The following UNKL variants were observed in gnomAD, a reference collection of about 807,000 sequenced individuals.
The protein encoded by UNKL is putative E3 ubiquitin-protein ligase UNKL.
UNKL carries 60 observed loss-of-function variants against 78.0 expected under a neutral mutation model. That is an observed-to-expected ratio of 0.77 (90% CI 0.63 to 0.95). The LOEUF is 0.95. Ranked by LOEUF, UNKL falls within the 40% of genes least tolerant of loss-of-function variation. The pLI is 0.00. For missense variants in UNKL, 1,159 were observed against 1,045.7 expected, an observed-to-expected ratio of 1.11 and a Z score of -1.49; for synonymous variants, 608 against 474.8, an observed-to-expected ratio of 1.28 and a Z score of -3.65.
intron 9 of UNKL, 134 bp from the exon 10 acceptor site, chr16:1,385,519 C>T: frequency 1.1e-6 from 1 of 950,948 alleles, no homozygotes; most frequent in Non-Finnish European, 1.4e-6. Flanking sequence ...GAGAGCTTCC[C>T]AGACCCGGAG....
rs770194638 is a variant in UNKL at position 1,403,258 on chromosome 16, GT to G, written c.373del (p.Thr125GlnfsTer8). ...YYKTGTCIHE[T>X]DARGHCVKNG... ...CTTCACGCAGTGGCCACGTGCGTCT[GT>G]CTCGTGGATGCAGGTTCCTGTTTTG... On this transcript the variant is annotated frameshift_variant, in exon 3 of 15. Coordinates refer to ENST00000389221, the MANE Select transcript of UNKL (RefSeq NM_001372107.1). LOFTEE classifies it high-confidence loss of function. The surrounding 1 kb of genome is among the most constrained non-coding windows in gnomAD (Gnocchi z 4.8). The G allele has an allele frequency of 1.9e-6, 3 of 1,614,218 alleles. No individual in the cohort carries two copies. The Admixed American group carries it at 5.0e-5, about 27-fold the overall frequency.
chr16:1,374,481 C>A (rs2036062193), intron 10 of UNKL, among the ~76,000 whole-genome samples: 2 of 152,160 alleles, frequency 1.3e-5, no homozygotes, highest in Admixed American at 1.3e-4. Flanking sequence ...CCCCAGGCAA[C>A]CGCACCCCGG....
intron 10 of UNKL, among the ~76,000 whole-genome samples, chr16:1,384,152 T>C (rs1427949862): frequency 6.6e-6 from 1 of 152,046 alleles, no homozygotes; most frequent in Non-Finnish European, 1.5e-5. Context: ...GCACATCCCA[T>C]CACTCACCAA....
chr16:1,414,673 C>A lies in UNKL; in HGVS notation c.19G>T (p.Ala7Ser). 8.7e-7 allele frequency: 1 copy of A among 1,152,408 alleles called. No individual in the cohort carries two copies. Among genetic ancestry groups the A allele is most frequent in the Non-Finnish European group, 1.1e-6 (1 of 924,224 alleles). The allele number at this position is 1,152,408 out of a possible 1,614,324, so 71.4% of individuals were successfully genotyped here. ...GACCCGCTCAGCGCCGCTGCCGCCG[C>A]TTTCGAAACCGACGGCATTTTCAGT... The part of the protein sequence containing the change: MPSVSK[A>S]AAAALSGSPP... The change falls in exon 1 of 15, where the codon GCG (alanine) becomes TCG (serine). Residue 7 changes from alanine to serine, a missense_variant. Transcript: ENST00000389221.
intron 5 of UNKL, chr16:1,398,415 C>G: frequency 9.7e-7 from 1 of 1,035,708 alleles, no homozygotes; most frequent in Non-Finnish European, 1.2e-6. Context: ...GACAAAATCT[C>G]AGACACTAAT....
At position 1,365,326 on chromosome 16, in the gene UNKL, ACGT is replaced by A. The variant is rs1567191587; in HGVS notation, c.*911_*913del. 1 of 152,206 alleles carries A rather than the reference ACGT, an allele frequency of 6.6e-6. No individual in the cohort carries two copies. The highest frequency in any genetic ancestry group is 1.5e-5 in the Non-Finnish European group (1 of 68,040). The allele number at this position is 152,206 out of a possible 1,614,324, so 9.4% of individuals were successfully genotyped here. ...TAAAAAAGTAATTCTAAAAGCTCTG[ACGT>A]CGGATCCCCTCTGCTGCGTTTTTTG... On this transcript the variant is annotated 3_prime_UTR_variant, in exon 15 of 15. Transcript: ENST00000389221.
Position 1,364,374 on chromosome 16 carries a change from T to G in UNKL, c.*1866A>C, listed in dbSNP as rs1330006155. ...GATGATAAAGATTTTTACCTAGACG[T>G]TTTGCACTTAAAAAATGCTATTAAA... On this transcript the variant is annotated 3_prime_UTR_variant, in exon 15 of 15. Transcript: ENST00000389221. The G allele has an allele frequency of 6.6e-6, 1 of 152,236 alleles. No individual in the cohort carries two copies. Among genetic ancestry groups the G allele is most frequent in the Non-Finnish European group, 1.5e-5 (1 of 68,042 alleles). The allele number at this position is 152,236 out of a possible 1,614,324, so 9.4% of individuals were successfully genotyped here.
At position 1,399,330 on chromosome 16, in the gene UNKL, C is replaced by T. The variant is rs771703711; in HGVS notation, c.734+44G>A. 1.8e-5 allele frequency: 28 copies of T among 1,513,980 alleles called. No individual in the cohort carries two copies. Among genetic ancestry groups the T allele is most frequent in the African/African-American group, 2.8e-5 (2 of 71,810 alleles). 93.8% of individuals were successfully genotyped at this position (1,513,980 alleles called of 1,614,324 possible). A position where few individuals can be genotyped will look rare whatever the true frequency, so the allele number is the denominator to read the frequency against. ...AACGCGAGCCACGGGCCGGGAAGGA[C>T]GCCCACCAGCCGGAGTCCTCTGAGC... On this transcript the variant is annotated intron_variant, in intron 5 of 14. Coordinates refer to ENST00000389221, the MANE Select transcript of UNKL (RefSeq NM_001372107.1). The surrounding 1 kb of genome is among the most constrained non-coding windows in gnomAD (Gnocchi z 5.8).
intron 10 of UNKL, among the ~76,000 whole-genome samples, chr16:1,384,660 G>A (rs1162120880): frequency 6.6e-6 from 1 of 151,858 alleles, no homozygotes; most frequent in African/African-American, 2.4e-5. Context: ...GTACAGTGGT[G>A]TAATCACAGC....
intron 5 of UNKL, chr16:1,398,606 A>G: frequency 7.0e-7 from 1 of 1,421,404 alleles, no homozygotes; most frequent in Non-Finnish European, 9.2e-7. Context: ...TGCTCAAAGG[A>G]AGAGCTGGAC....
chr16:1,408,266 C>A (rs971023695), intron 2 of UNKL, among the ~76,000 whole-genome samples: 2 of 152,196 alleles, frequency 1.3e-5, no homozygotes, highest in East Asian at 1.9e-4. Context: ...AGCTGCCCCC[C>A]CCCCCAACGA....
Position 1,370,154 on chromosome 16 carries a change from C to G in UNKL, c.1561G>C (p.Ala521Pro). Reference protein sequence around the residue: ...LRSEPGTLGSAASSYSPLGLN... With the variant: ...LRSEPGTLGSPASSYSPLGLN... ...CCTAGGGGGCTGTAGGATGAGGCTG[C>G]AGAGCCCAGTGTGCCCGGCTCTGAA... The change falls in exon 12 of 15, where the codon GCA becomes CCA. Residue 521 changes from alanine (A) to proline (P), a missense_variant. Coordinates refer to ENST00000389221, the MANE Select transcript of UNKL (RefSeq NM_001372107.1). 6.6e-7 allele frequency: 1 copy of G among 1,517,672 alleles called. No individual in the cohort carries two copies. Among genetic ancestry groups the G allele is most frequent in the Middle Eastern group, 1.7e-4 (1 of 5,744 alleles). 94.0% of individuals were successfully genotyped at this position (1,517,672 alleles called of 1,614,324 possible).
chr16:1,395,954 C>T (rs558605213), intron 6 of UNKL: 1 of 357,224 alleles, frequency 2.8e-6, no homozygotes, highest in Non-Finnish European at 5.7e-6. Flanking sequence ...GAGGATTTTA[C>T]TTTTTTTAGA....
intron 2 of UNKL, among the ~76,000 whole-genome samples, chr16:1,405,187 C>T (rs1426106271): frequency 9.1e-6 from 1 of 109,972 alleles, no homozygotes; most frequent in Non-Finnish European, 1.8e-5. Flanking sequence ...AGAGCAAGAC[C>T]CTGTCTCAAA....
At chr16:1,407,529 T>C (rs982933250) in intron 2 of UNKL, among the ~76,000 whole-genome samples, 1 of 151,786 alleles carries the variant, frequency 6.6e-6, no homozygotes, top group African/African-American at 2.4e-5. Flanking sequence ...ACCCCACCCC[T>C]ACAAAAAATA....
At chr16:1,375,183 C>T (rs1157958064) in intron 10 of UNKL, among the ~76,000 whole-genome samples, 1 of 152,192 alleles carries the variant, frequency 6.6e-6, no homozygotes. Context: ...CCCAGCGGAG[C>T]ACAGGCAGAG....
intron 10 of UNKL, among the ~76,000 whole-genome samples, chr16:1,382,243 A>G (rs1162736721): frequency 6.6e-6 from 1 of 152,226 alleles, no homozygotes; most frequent in African/African-American, 2.4e-5. Context: ...CTAACAGGAG[A>G]CATCCCACAC....
chr16:1,400,039 G>T (rs1206326819), intron 4 of UNKL, among the ~76,000 whole-genome samples: 2 of 152,152 alleles, frequency 1.3e-5, no homozygotes, highest in Non-Finnish European at 2.9e-5. Context: ...GGAGGCTGAG[G>T]GGGCAGGGGG....
chr16:1,410,258 C>A (rs1306717376), intron 2 of UNKL, among the ~76,000 whole-genome samples: 3 of 139,372 alleles, frequency 2.2e-5, no homozygotes, highest in Admixed American at 7.1e-5. Flanking sequence ...AAAGCAAGAC[C>A]CTGTCTCAGA....
Sources: allele counts gnomAD v4.1 joint callset (sites outside exome capture counted in the v4.1 genomes callset), GRCh38; gene constraint gnomAD v4.1.1; non-coding constraint Gnocchi (gnomAD v3.1); transcripts MANE v1.5; gene names NCBI Gene and HGNC (gene_info 2026-07-23, HGNC 2026-07-21).